CD163L1: variants seen among roughly 807,000 people sequenced by gnomAD.
The protein encoded by CD163L1 is CD163 molecule like 1, also known as scavenger receptor cysteine-rich type 1 protein M160.
In CD163L1, 124 loss-of-function variants were observed where a neutral mutation model predicts 165.4. The ratio of observed to expected loss-of-function variants is 0.75; its 90% CI spans 0.65 to 0.87. The LOEUF (loss-of-function observed/expected upper bound fraction) is 0.87. Ranked by LOEUF, CD163L1 falls within the 40% of genes least tolerant of loss-of-function variation. The pLI is 0.00. For synonymous variants in CD163L1, 585 were observed against 662.2 expected (o/e 0.88, Z 1.79); for missense variants, 1,525 against 1,799.9 (o/e 0.85, Z 2.76).
chr12:7,438,702 A>AC, intron 2 of CD163L1: 1 of 783,380 alleles, frequency 1.3e-6, no homozygotes, highest in Admixed American at 3.2e-5. Context: ...TCATAGCTTG[A>AC]CTGTTTCCCT....
chr12:7,409,801 T>C (rs1948098272), intron 4 of CD163L1, among the ~76,000 whole-genome samples: 1 of 152,248 alleles, frequency 6.6e-6, no homozygotes, highest in African/African-American at 2.4e-5. Flanking sequence ...GATTGCCTTC[T>C]GCCAAAAACA....
chr12:7,326,338 A>G, the CD163L1 span, among the ~76,000 whole-genome samples: 1 of 152,116 alleles, frequency 6.6e-6, no homozygotes. Flanking sequence ...TCAAGTTGCT[A>G]GTACTACAGG....
chr12:7,373,662 A>G, intron 13 of CD163L1, 22 bp from the exon 14 acceptor site: 1 of 1,531,680 alleles, frequency 6.5e-7, no homozygotes, highest in Non-Finnish European at 8.8e-7. Context: ...TACAAAACTT[A>G]GTATTAAATA....
intron 19 of CD163L1, among the ~76,000 whole-genome samples, chr12:7,355,692 T>C (rs749808087): frequency 8.0e-4 from 122 of 152,164 alleles, no homozygotes; most frequent in African/African-American, 2.8e-3. Flanking sequence ...TTCAAAGAGG[T>C]AATTAAGGTA....
At chr12:7,414,560 A>C (rs1426764031) in intron 4 of CD163L1, among the ~76,000 whole-genome samples, 1 of 152,120 alleles carries the variant, frequency 6.6e-6, no homozygotes, top group African/African-American at 2.4e-5. Flanking sequence ...AATAACTAAA[A>C]ATTTCTCAAA....
At chr12:7,365,291 A>G (rs766374399) in intron 18 of CD163L1, among the ~76,000 whole-genome samples, 146 of 152,300 alleles carry the variant, frequency 9.6e-4, no homozygotes, top group Non-Finnish European at 1.7e-3. Flanking sequence ...AACTAAATGT[A>G]AGACCTGAAA....
intron 6 of CD163L1, among the ~76,000 whole-genome samples, chr12:7,403,081 C>T (rs1370180868): frequency 6.6e-6 from 1 of 151,840 alleles, no homozygotes; most frequent in African/African-American, 2.4e-5. Flanking sequence ...AATTATACAT[C>T]GTATCAACAT....
At chr12:7,399,219 C>A (rs1947850468) in intron 6 of CD163L1, among the ~76,000 whole-genome samples, 1 of 146,110 alleles carries the variant, frequency 6.8e-6, no homozygotes, top group South Asian at 2.2e-4. Context: ...TTTTTTCTTC[C>A]TTTCTCTGTC....
chr12:7,358,465 G>C (rs1264039596), intron 18 of CD163L1, among the ~76,000 whole-genome samples: 1 of 152,000 alleles, frequency 6.6e-6, no homozygotes, highest in Non-Finnish European at 1.5e-5. Flanking sequence ...GGAATACAAT[G>C]GTTAAAATTG....
At chr12:7,393,810 C>T (rs1244916638) in intron 8 of CD163L1, among the ~76,000 whole-genome samples, 1 of 152,126 alleles carries the variant, frequency 6.6e-6, no homozygotes, top group Non-Finnish European at 1.5e-5. Context: ...TGAGTGAACT[C>T]CCATTCACAT....
chr12:7,385,493 A>G (rs1947497434), intron 8 of CD163L1, among the ~76,000 whole-genome samples: 1 of 152,030 alleles, frequency 6.6e-6, no homozygotes, highest in South Asian at 2.1e-4. Flanking sequence ...TAGAAACTAG[A>G]CTTTAGACCA....
intron 4 of CD163L1, among the ~76,000 whole-genome samples, chr12:7,430,190 A>G (rs1408802627): frequency 6.6e-6 from 1 of 152,198 alleles, no homozygotes; most frequent in African/African-American, 2.4e-5. Flanking sequence ...CAAAACATTT[A>G]TTGGAGTTTA....
intron 2 of CD163L1, chr12:7,439,512 C>T (rs1948784919): frequency 6.3e-7 from 1 of 1,581,754 alleles, no homozygotes; most frequent in African/African-American, 1.4e-5. Context: ...TCTCCTCTCT[C>T]TGCCTTAATT....
At position 7,368,958 on chromosome 12, in the gene CD163L1, C is replaced by T. The variant is rs759431622; in HGVS notation, c.4047G>A (p.Ser1349=). Reference sequence around the variant, plus strand: ...CTGAGGAGGCATTCAGTGATTTCAGCGACTGTCCTGAGAGAGAGAGAGAGA... The same window carrying T: ...CTGAGGAGGCATTCAGTGATTTCAGTGACTGTCCTGAGAGAGAGAGAGAGA... The part of the protein sequence containing the change: ...EDAGVRCSGQ[S]LKSLNASSGH... Residue 1349 remains serine (S), a synonymous_variant, in exon 16 of 20, where the codon TCG becomes TCA. Transcript: ENST00000313599. The surrounding 1 kb of genome is among the most constrained non-coding windows in gnomAD (Gnocchi z 4.3). 7.4e-6 allele frequency: 12 copies of T among 1,611,932 alleles called. No individual in the cohort carries two copies. The highest frequency in any genetic ancestry group is 1.6e-4 in the Middle Eastern group (1 of 6,064).
the CD163L1 span, among the ~76,000 whole-genome samples, chr12:7,338,899 T>A: frequency 6.6e-6 from 1 of 152,180 alleles, no homozygotes; most frequent in Non-Finnish European, 1.5e-5. Context: ...AGGAGCCAGT[T>A]TATTCCCAAA....
chr12:7,438,853 T>C lies in CD163L1; in HGVS notation c.124+2301A>G, dbSNP rs1476537602. On this transcript the variant is annotated intron_variant, in intron 2 of 19. Coordinates refer to ENST00000313599, the MANE Select transcript of CD163L1 (RefSeq NM_174941.6). Reference sequence around the variant, plus strand: ...TCCAGCCCTTTGGCGTTTGGACAGATATAGGCATAAGCTTCTCTAACTCTG... The same window carrying C: ...TCCAGCCCTTTGGCGTTTGGACAGACATAGGCATAAGCTTCTCTAACTCTG... 8 of 1,569,998 alleles carry C rather than the reference T, an allele frequency of 5.1e-6. No individual in the cohort carries two copies. In the African/African-American group the frequency reaches 8.1e-5, roughly 16 times the overall value.
the CD163L1 span, among the ~76,000 whole-genome samples, chr12:7,321,736 TA>T: frequency 6.6e-6 from 1 of 152,244 alleles, no homozygotes; most frequent in Admixed American, 6.5e-5. Context: ...GGTTAAAAGC[TA>T]AGCTCCAAAG....
At chr12:7,390,075 T>C (rs1317997207) in intron 8 of CD163L1, among the ~76,000 whole-genome samples, 1 of 151,084 alleles carries the variant, frequency 6.6e-6, no homozygotes, top group Non-Finnish European at 1.5e-5. Flanking sequence ...CATTATGTTA[T>C]GCAGAATAAG....
Position 7,374,406 on chromosome 12 carries a change from G to A in CD163L1, c.3409+36C>T, listed in dbSNP as rs908418406. The A allele has an allele frequency of 2.5e-6, 4 of 1,569,412 alleles. No homozygotes were observed. In the African/African-American group the frequency reaches 4.0e-5, roughly 16 times the overall value. The stretch of plus-strand genomic sequence containing the variant: ...TGTGTGTGTGCAAGTGTGTGCACGT[G>A]TGTGTAGAGGAGGGTGAAAAGGTAG... On this transcript the variant is annotated intron_variant, in intron 13 of 19. Transcript: ENST00000313599. The surrounding 1 kb of genome is among the most constrained non-coding windows in gnomAD (Gnocchi z 5.4).
Sources: gnomAD v4.1 joint callset for allele counts (sites outside exome capture counted in the v4.1 genomes callset) on GRCh38, gnomAD v4.1.1 for gene constraint, Gnocchi (gnomAD v3.1) non-coding constraint, MANE v1.5 for transcripts, NCBI Gene and HGNC (gene_info 2026-07-23, HGNC 2026-07-21) for gene names.